NUBP1: variants seen among roughly 807,000 people sequenced by gnomAD.
NUBP1 encodes the protein NUBP iron-sulfur cluster assembly factor 1, cytosolic.
Under a neutral mutation model 41.8 loss-of-function variants are expected in NUBP1, and 46 were observed. The observed-to-expected ratio is 1.10, with a 90% CI of 0.87 to 1.41. NUBP1 has a LOEUF of 1.41. NUBP1 is among the 40% of genes most tolerant of loss of function. The pLI is 0.00. For missense variants in NUBP1, 494 were observed against 414.0 expected (o/e 1.19, Z -1.68); for synonymous variants, 189 against 154.6 (o/e 1.22, Z -1.65).
chr16:10,745,185 C>A (rs1326020316), intron 2 of NUBP1, among the ~76,000 whole-genome samples: 1 of 151,484 alleles, frequency 6.6e-6, no homozygotes, highest in African/African-American at 2.4e-5. Context: ...TGGAGACAGG[C>A]CGGGTGCAGT....
chr16:10,744,140 G>T, intron 2 of NUBP1, 75 bp downstream of exon 2: 1 of 1,245,858 alleles, frequency 8.0e-7, no homozygotes. Context: ...GAGGGAGGGG[G>T]CGGGATCTGC....
intron 9 of NUBP1, among the ~76,000 whole-genome samples, chr16:10,762,854 G>C (rs559946281): frequency 1.3e-5 from 2 of 152,246 alleles, no homozygotes; most frequent in Admixed American, 6.5e-5. Context: ...CTGGAGGCGG[G>C]GAGGGCGGAG....
At chr16:10,754,606 A>G (rs1048325133) in intron 4 of NUBP1, among the ~76,000 whole-genome samples, 1 of 152,192 alleles carries the variant, frequency 6.6e-6, no homozygotes, top group African/African-American at 2.4e-5. Context: ...GATTCCACTT[A>G]CATGAAATGT....
In NUBP1 at chr16:10,758,023, C is replaced by G. The variant is rs148166867; in HGVS notation, c.602C>G (p.Pro201Arg). The G allele has an allele frequency of 1.9e-6, 3 of 1,612,406 alleles. No homozygotes were observed. The highest frequency in any genetic ancestry group is 2.5e-6 in the Non-Finnish European group (3 of 1,178,746). Residue 201 changes from proline to arginine, a missense_variant, in exon 7 of 11, where the codon CCC (proline) becomes CGC (arginine). By Grantham distance (103) the Pro-to-Arg change is moderately radical. Coordinates refer to ENST00000283027, the MANE Select transcript of NUBP1 (RefSeq NM_002484.4). ...GATGGAGCAGTGATCATCACCACTCCCCAGGTGAGCGAGCTGCCAGCTGGA... is the reference window on the plus strand; with the variant it reads ...GATGGAGCAGTGATCATCACCACTCGCCAGGTGAGCGAGCTGCCAGCTGGA... ...HIDGAVIITT[P>R]QEVSLQDVRK...
At chr16:10,744,334 G>T (rs1379148351) in intron 2 of NUBP1, among the ~76,000 whole-genome samples, 1 of 152,196 alleles carries the variant, frequency 6.6e-6, no homozygotes, top group Non-Finnish European at 1.5e-5. Flanking sequence ...GACCGGCGCG[G>T]AGTCGAAAGG....
intron 8 of NUBP1, 82 bp downstream of exon 8, chr16:10,761,556 A>G: frequency 2.5e-6 from 3 of 1,222,062 alleles, no homozygotes; most frequent in Non-Finnish European, 3.5e-6. Context: ...TCTGCAAACT[A>G]TTTCTGCTTT....
At chr16:10,748,863 G>A (rs1357539208) in intron 3 of NUBP1, among the ~76,000 whole-genome samples, 2 of 152,022 alleles carry the variant, frequency 1.3e-5, no homozygotes, top group Non-Finnish European at 2.9e-5. Context: ...GCTGAGGCAG[G>A]CGGATCACTT....
At chr16:10,758,543 G>T (rs1056603148) in intron 7 of NUBP1, among the ~76,000 whole-genome samples, 1 of 151,470 alleles carries the variant, frequency 6.6e-6, no homozygotes. Flanking sequence ...CAACGATTTG[G>T]TTTTTTTTTA....
intron 7 of NUBP1, 133 bp from the exon 8 acceptor site, chr16:10,761,231 A>C: frequency 2.7e-6 from 2 of 740,130 alleles, no homozygotes; most frequent in Non-Finnish European, 4.4e-6. Flanking sequence ...CACAGAGCCA[A>C]ACCCTATCAG....
At position 10,757,827 on chromosome 16, in the gene NUBP1, G is replaced by A; in HGVS notation, c.452-46G>A. The A allele has an allele frequency of 3.1e-6, 5 of 1,593,712 alleles. No homozygotes were observed. The highest frequency in any genetic ancestry group is 4.3e-6 in the Non-Finnish European group (5 of 1,165,044). Reference sequence around the variant, plus strand: ...AAAAAAAGAGGGAGTTGAAAGTACAGAAAAGAAAGGAAAAGTAAGCATCCC... The same window carrying A: ...AAAAAAAGAGGGAGTTGAAAGTACAAAAAAGAAAGGAAAAGTAAGCATCCC... On this transcript the variant is annotated intron_variant, in intron 6 of 10. Coordinates refer to ENST00000283027, the MANE Select transcript of NUBP1 (RefSeq NM_002484.4). This position sits in a 1 kb window ranked among gnomAD's most constrained non-coding sequence, Gnocchi z 4.1.
In NUBP1 at chr16:10,765,325, C is replaced by CT. The variant is rs921164798; in HGVS notation, c.821-2622dup. 1.0e-5 allele frequency among the ~76,000 whole-genome samples: 1 copy of CT among 96,264 alleles called. No individual in the cohort carries two copies. Among genetic ancestry groups the CT allele is most frequent in the Non-Finnish European group, 2.1e-5 (1 of 48,376 alleles). The allele number at this position is 96,264 out of a possible 152,430, so 63.2% of individuals were successfully genotyped here. On this transcript the variant is annotated intron_variant, in intron 9 of 10. Coordinates refer to ENST00000283027, the MANE Select transcript of NUBP1 (RefSeq NM_002484.4). This position sits in a 1 kb window ranked among gnomAD's most constrained non-coding sequence, Gnocchi z 4.0. Reference sequence around the variant, plus strand: ...GGTAACACAGGAAGATACCTCATCTCTTAAAAAAAAAAAAAAAAAAAAAAG... The same window carrying CT: ...GGTAACACAGGAAGATACCTCATCTCTTTAAAAAAAAAAAAAAAAAAAAAAG...
intron 2 of NUBP1, among the ~76,000 whole-genome samples, chr16:10,744,522 A>G (rs992579585): frequency 6.6e-6 from 1 of 152,186 alleles, no homozygotes; most frequent in Non-Finnish European, 1.5e-5. Flanking sequence ...TTCAGCAGAA[A>G]TGTGTTGATC....
At chr16:10,747,624 G>T (rs1900121079) in intron 3 of NUBP1, among the ~76,000 whole-genome samples, 1 of 152,172 alleles carries the variant, frequency 6.6e-6, no homozygotes. Context: ...GGCAGAATGA[G>T]ACTGTCCAAG....
rs544034648 is a variant in NUBP1 at position 10,759,250 on chromosome 16, G to T, written c.606+1223G>T. 7.9e-5 allele frequency among the ~76,000 whole-genome samples: 12 copies of T among 152,308 alleles called. No homozygotes were observed. The highest frequency in any genetic ancestry group is 2.9e-4 in the African/African-American group (12 of 41,560). ...ACAGGTGCTGGACACAGGGATGAGG[G>T]TACAGCCAATGGAGTGGCAGGCCCA... On this transcript the variant is annotated intron_variant, in intron 7 of 10. Coordinates refer to ENST00000283027, the MANE Select transcript of NUBP1 (RefSeq NM_002484.4). The surrounding 1 kb of genome is among the most constrained non-coding windows in gnomAD (Gnocchi z 4.7).
chr16:10,760,236 C>T (rs1415012855), intron 7 of NUBP1, among the ~76,000 whole-genome samples: 6 of 152,240 alleles, frequency 3.9e-5, no homozygotes, highest in African/African-American at 1.4e-4. Context: ...ACCCCACGGT[C>T]CCTGTCCCAG....
In NUBP1 at chr16:10,766,935, A is replaced by G. The variant is rs1203420653; in HGVS notation, c.821-1014A>G. On this transcript the variant is annotated intron_variant, in intron 9 of 10. Coordinates refer to ENST00000283027, the MANE Select transcript of NUBP1 (RefSeq NM_002484.4). The surrounding 1 kb of genome is among the most constrained non-coding windows in gnomAD (Gnocchi z 4.8). Reference sequence around the variant, plus strand: ...CTTATGTTCCCTGCCTCTGGACCCTATTTTCCTGACTCACTGGGCCATATG... The same window carrying G: ...CTTATGTTCCCTGCCTCTGGACCCTGTTTTCCTGACTCACTGGGCCATATG... 1 of 398,300 alleles carries G rather than the reference A, an allele frequency of 2.5e-6. No individual in the cohort carries two copies. Among genetic ancestry groups the G allele is most frequent in the Admixed American group, 4.4e-5 (1 of 22,674 alleles). 24.7% of individuals were successfully genotyped at this position (398,300 alleles called of 1,614,324 possible).
At chr16:10,756,416 A>G (rs1295494059) in intron 5 of NUBP1, among the ~76,000 whole-genome samples, 1 of 151,940 alleles carries the variant, frequency 6.6e-6, no homozygotes, top group African/African-American at 2.4e-5. Flanking sequence ...AGTTAAGGAG[A>G]TGACATTTAC....
At chr16:10,748,998 T>C in intron 3 of NUBP1, among the ~76,000 whole-genome samples, 1 of 151,442 alleles carries the variant, frequency 6.6e-6, no homozygotes, top group East Asian at 1.9e-4. Flanking sequence ...GGCCGAGGCA[T>C]GAGAATCGTT....
At chr16:10,760,803 C>T in intron 7 of NUBP1, 1 of 152,312 alleles carries the variant, frequency 6.6e-6, no homozygotes, top group East Asian at 1.9e-4. Flanking sequence ...TAAATAGCAC[C>T]TCGAACAAAC....
Sources: allele counts gnomAD v4.1 joint callset (sites outside exome capture counted in the v4.1 genomes callset), GRCh38; gene constraint gnomAD v4.1.1; non-coding constraint Gnocchi (gnomAD v3.1); transcripts MANE v1.5; gene names NCBI Gene and HGNC (gene_info 2026-07-23, HGNC 2026-07-21).